The following TSPAN15 variants were observed in gnomAD, a reference collection of about 807,000 sequenced individuals.
The protein encoded by TSPAN15 is tetraspanin-15.
A neutral mutation model predicts 34.5 loss-of-function variants in TSPAN15; 20 were observed. That is an observed-to-expected ratio of 0.58 (90% CI 0.41 to 0.84). The LOEUF is 0.84. TSPAN15 is among the 40% of genes least tolerant of loss of function. The pLI is 0.00. For synonymous variants in TSPAN15, 155 were observed against 153.9 expected (o/e 1.01, Z -0.05); for missense variants, 313 against 386.1 (o/e 0.81, Z 1.59).
intron 1 of TSPAN15, among the ~76,000 whole-genome samples, chr10:69,467,412 C>A (rs2133079982): frequency 6.6e-6 from 1 of 152,248 alleles, no homozygotes; most frequent in South Asian, 2.1e-4. Flanking sequence ...TGAATCTGGT[C>A]TGAAGCTTTA....
chr10:69,454,765 T>G (rs1340790832), intron 1 of TSPAN15, among the ~76,000 whole-genome samples: 1 of 151,922 alleles, frequency 6.6e-6, no homozygotes, highest in Non-Finnish European at 1.5e-5. Flanking sequence ...TGAAGTGAGT[T>G]GAGATTGTGC....
rs558739102 is a variant in TSPAN15 at position 69,490,866 on chromosome 10, T to C, written c.358-4728T>C. 7.2e-5 allele frequency among the ~76,000 whole-genome samples: 11 copies of C among 152,398 alleles called. 1 individual carries two copies. In the South Asian group the frequency reaches 2.3e-3, roughly 32 times the overall value. Reference sequence around the variant, plus strand: ...TTTTTATTGTTCCTTTTCCCAAATATTTTCCATCCACTGTTGTTTGAATCT... The same window carrying C: ...TTTTTATTGTTCCTTTTCCCAAATACTTTCCATCCACTGTTGTTTGAATCT... On this transcript the variant is annotated intron_variant, in intron 3 of 7. Coordinates refer to ENST00000373290, the MANE Select transcript of TSPAN15 (RefSeq NM_012339.5).
chr10:69,547,004 A>G, the TSPAN15 span, among the ~76,000 whole-genome samples: 1 of 152,056 alleles, frequency 6.6e-6, no homozygotes, highest in African/African-American at 2.4e-5. Context: ...ATTTAAATAC[A>G]TAATTTAAAT....
At chr10:69,487,811 C>G (rs542313457) in intron 3 of TSPAN15, among the ~76,000 whole-genome samples, 21 of 152,134 alleles carry the variant, frequency 1.4e-4, no homozygotes, top group Non-Finnish European at 2.1e-4. Flanking sequence ...TTTCCGTGGG[C>G]CTGAGGTCAG....
At chr10:69,495,024 GC>G in intron 3 of TSPAN15, 1 of 306,130 alleles carries the variant, frequency 3.3e-6, no homozygotes, top group Non-Finnish European at 4.8e-6. Flanking sequence ...GAGGAGAACA[GC>G]CCATGAGGGA....
chr10:69,500,678 C>T (rs1482599615), intron 5 of TSPAN15, among the ~76,000 whole-genome samples: 4 of 152,160 alleles, frequency 2.6e-5, no homozygotes, highest in Non-Finnish European at 4.4e-5. Flanking sequence ...CTTCCCTGAT[C>T]AGATGAGACC....
chr10:69,458,838 G>A (rs1006477188), intron 1 of TSPAN15, among the ~76,000 whole-genome samples: 10 of 152,130 alleles, frequency 6.6e-5, no homozygotes, highest in South Asian at 2.1e-4. Flanking sequence ...CTCGTTCCCC[G>A]CTTTAATAGA....
chr10:69,536,601 G>T, the TSPAN15 span, among the ~76,000 whole-genome samples: 3 of 152,116 alleles, frequency 2.0e-5, no homozygotes, highest in African/African-American at 4.8e-5. Flanking sequence ...TTCTCCTGAG[G>T]TCTCTCTCCT....
At chr10:69,455,747 G>A (rs1230668883) in intron 1 of TSPAN15, among the ~76,000 whole-genome samples, 1 of 151,424 alleles carries the variant, frequency 6.6e-6, no homozygotes, top group Non-Finnish European at 1.5e-5. Flanking sequence ...CTAGGAGTGG[G>A]GTTGTTGAGT....
intron 1 of TSPAN15, among the ~76,000 whole-genome samples, chr10:69,480,614 T>C (rs976904398): frequency 1.5e-4 from 23 of 152,330 alleles, no homozygotes; most frequent in Admixed American, 3.3e-4. Flanking sequence ...CAGGGCTCTT[T>C]TATTTGTCCA....
At chr10:69,452,475 T>C (rs568690717) in intron 1 of TSPAN15, among the ~76,000 whole-genome samples, 17 of 152,366 alleles carry the variant, frequency 1.1e-4, no homozygotes, top group Admixed American at 1.0e-3. Context: ...AGTTACTTCA[T>C]TCCTCTCGGC....
chr10:69,454,484 C>T (rs1841040900), intron 1 of TSPAN15, among the ~76,000 whole-genome samples: 1 of 151,974 alleles, frequency 6.6e-6, no homozygotes, highest in South Asian at 2.1e-4. Context: ...TGCCACGGCA[C>T]TGTAGTTGGG....
the TSPAN15 span, among the ~76,000 whole-genome samples, chr10:69,529,281 G>A: frequency 6.8e-6 from 1 of 147,728 alleles, no homozygotes; most frequent in Admixed American, 7.0e-5. Flanking sequence ...ACTTGTTTTT[G>A]GCTCCCACTG....
chr10:69,504,040 T>C (rs1443405168), intron 5 of TSPAN15, among the ~76,000 whole-genome samples: 1 of 152,188 alleles, frequency 6.6e-6, no homozygotes, highest in Non-Finnish European at 1.5e-5. Context: ...AGCTGTAGTC[T>C]GAAGTTTTCC....
intron 3 of TSPAN15, chr10:69,494,682 T>C (rs1842039833): frequency 1.9e-5 from 19 of 985,156 alleles, no homozygotes; most frequent in Non-Finnish European, 2.2e-5. Flanking sequence ...ACCAGGATCC[T>C]GTTGTCCCAG....
chr10:69,516,260 C>T, the TSPAN15 span, among the ~76,000 whole-genome samples: 1 of 152,198 alleles, frequency 6.6e-6, no homozygotes, highest in African/African-American at 2.4e-5. Flanking sequence ...GACATAGGGG[C>T]TTAGAGATCA....
chr10:69,516,909 G>A, the TSPAN15 span, among the ~76,000 whole-genome samples: 2 of 152,176 alleles, frequency 1.3e-5, no homozygotes, highest in African/African-American at 4.8e-5. Flanking sequence ...CCAGGGAATG[G>A]AAATGGCCTG....
the TSPAN15 span, among the ~76,000 whole-genome samples, chr10:69,525,106 A>T: frequency 6.8e-6 from 1 of 147,066 alleles, no homozygotes; most frequent in Middle Eastern, 3.5e-3. Context: ...TTTAAAAGGG[A>T]CAAGCCTAGC....
chr10:69,498,184 A>T, intron 4 of TSPAN15, 96 bp from the exon 5 acceptor site: 1 of 1,107,212 alleles, frequency 9.0e-7, no homozygotes, highest in South Asian at 1.3e-5. Flanking sequence ...GACCCACATA[A>T]TAAACTGCCT....
Sources: allele counts gnomAD v4.1 joint callset (sites outside exome capture counted in the v4.1 genomes callset), GRCh38; gene constraint gnomAD v4.1.1; transcripts MANE v1.5; gene names NCBI Gene and HGNC (gene_info 2026-07-23, HGNC 2026-07-21).